Variants in STRN4 observed in about 807,000 individuals in gnomAD.
STRN4 encodes the protein striatin 4, also known as striatin-4.
In STRN4, 27 loss-of-function variants were observed where a neutral mutation model predicts 77.9. That is an observed-to-expected ratio of 0.35 (90% CI 0.26 to 0.48). The LOEUF is 0.48. STRN4 is among the 20% of genes least tolerant of loss of function. STRN4 has a pLI of 0.99. For missense variants in STRN4, 798 were observed against 1,049.7 expected, an observed-to-expected ratio of 0.76 and a Z score of 3.31; for synonymous variants, 466 against 443.1, an observed-to-expected ratio of 1.05 and a Z score of -0.65.
At chr19:46,737,572 C>T (rs112430263) in intron 3 of STRN4, among the ~76,000 whole-genome samples, 4,583 of 140,010 alleles carry the variant, frequency 0.033, 209 homozygotes, top group African/African-American at 0.095. Context: ...ACACTGTTTG[C>T]CCAGGCACAC....
chr19:46,723,194 C>G lies in STRN4; in HGVS notation c.1685G>C (p.Cys562Ser). The change falls in exon 13 of 18, where the codon TGT becomes TCT. Residue 562 changes from cysteine to serine, a missense_variant. Physicochemically the swap from Cys to Ser is moderately radical, Grantham distance 112. Coordinates refer to ENST00000263280, the MANE Select transcript of STRN4 (RefSeq NM_013403.3). The surrounding 1 kb of genome is among the most constrained non-coding windows in gnomAD (Gnocchi z 5.5). ...FSPTSQRLAS[C>S]SADGTVRIWD... ...GATGCGGACGGTGCCATCAGCAGAA[C>G]AGGAGGCCAGGCGCTGGGAGGTGGG... 1 of 1,557,438 alleles carries G rather than the reference C, an allele frequency of 6.4e-7. No homozygotes were observed.
intron 12 of STRN4, 119 bp downstream of exon 12, chr19:46,724,688 G>A (rs567580964): frequency 3.1e-5 from 46 of 1,461,898 alleles, no homozygotes; most frequent in Middle Eastern, 1.9e-4. Context: ...CAGGGGAGCC[G>A]TCACACGCAC....
At chr19:46,722,729 AG>A in intron 14 of STRN4, 80 bp downstream of exon 14, 1 of 1,577,274 alleles carries the variant, frequency 6.3e-7, no homozygotes. Context: ...CTGACTGACA[AG>A]GGGTCGCCAA....
At chr19:46,727,232 A>G (rs866670201) in intron 9 of STRN4, among the ~76,000 whole-genome samples, 1 of 152,252 alleles carries the variant, frequency 6.6e-6, no homozygotes, top group Non-Finnish European at 1.5e-5. Flanking sequence ...TGGGAGGGGC[A>G]GAGTGGAGGA....
chr19:46,724,971 A>G, intron 11 of STRN4, 43 bp from the exon 12 acceptor site: 4 of 1,612,702 alleles, frequency 2.5e-6, no homozygotes, highest in Non-Finnish European at 3.4e-6. Flanking sequence ...AGACAAGCTC[A>G]GGGCCTCCCC....
intron 1 of STRN4, among the ~76,000 whole-genome samples, chr19:46,739,677 C>G (rs774171289): frequency 3.3e-5 from 5 of 152,228 alleles, no homozygotes; most frequent in Non-Finnish European, 7.3e-5. Context: ...TCTCCCCAAG[C>G]ACCCCACCGT....
intron 12 of STRN4, among the ~76,000 whole-genome samples, chr19:46,724,570 C>G (rs1245933730): frequency 6.6e-6 from 1 of 152,376 alleles, no homozygotes; most frequent in East Asian, 1.9e-4. Context: ...CGCCGGCTCA[C>G]AGAGATTCTC....
chr19:46,731,194 A>G (rs913137506), intron 5 of STRN4, among the ~76,000 whole-genome samples: 7 of 152,252 alleles, frequency 4.6e-5, no homozygotes, highest in African/African-American at 1.7e-4. Flanking sequence ...GCTGGATGAG[A>G]AAGTGCCACT....
At chr19:46,722,377 C>A in intron 14 of STRN4, 37 bp from the exon 15 acceptor site, 2 of 1,595,678 alleles carry the variant, frequency 1.3e-6, no homozygotes, top group Non-Finnish European at 1.7e-6. Context: ...GGATGTCAAG[C>A]AGAAAATCAG....
intron 1 of STRN4, chr19:46,740,267 C>A (rs144023544): frequency 2.6e-5 from 4 of 151,844 alleles, no homozygotes; most frequent in African/African-American, 9.7e-5. Flanking sequence ...CCAGCCTGGG[C>A]GACAGAGCCA....
In STRN4 at chr19:46,720,651, G is replaced by C; in HGVS notation, c.2213C>G (p.Ala738Gly). 6.2e-7 allele frequency: 1 copy of C among 1,608,988 alleles called. No individual in the cohort carries two copies. Among genetic ancestry groups the C allele is most frequent in the Non-Finnish European group, 8.5e-7 (1 of 1,177,176 alleles). Residue 738 changes from alanine to glycine, a missense_variant, in exon 17 of 18, where the codon GCC becomes GGC. Coordinates refer to ENST00000263280, the MANE Select transcript of STRN4 (RefSeq NM_013403.3). ...ATCAGCGCCAGCACTGGCAATGAGG[G>C]CCTTGCTGGGGTGGCAGGCAACAGC... ...IHAVACHPSK[A>G]LIASAGADAL...
intron 12 of STRN4, among the ~76,000 whole-genome samples, chr19:46,724,112 G>A (rs181496607): frequency 1.3e-5 from 2 of 152,212 alleles, no homozygotes; most frequent in South Asian, 2.1e-4. Flanking sequence ...GCTGGATATG[G>A]TGGTGCGTGC....
intron 8 of STRN4, 157 bp from the exon 9 acceptor site, chr19:46,727,703 CAGAG>C (rs747556892): frequency 6.8e-4 from 519 of 759,068 alleles, no homozygotes; most frequent in Non-Finnish European, 5.7e-4. Context: ...TGGAAAGAGA[CAGAG>C]AGACAGACAG....
At chr19:46,744,308 C>T (rs1027198592) in intron 1 of STRN4, among the ~76,000 whole-genome samples, 3 of 152,192 alleles carry the variant, frequency 2.0e-5, no homozygotes. Flanking sequence ...ATTCTGCTCC[C>T]ATCCCAGCCC....
chr19:46,729,984 G>A (rs1163499411), intron 6 of STRN4, among the ~76,000 whole-genome samples: 5 of 152,246 alleles, frequency 3.3e-5, no homozygotes, highest in South Asian at 2.1e-4. Flanking sequence ...TAGAGACAGA[G>A]AGCCCTACCC....
At chr19:46,728,264 A>G in intron 7 of STRN4, 1 of 615,738 alleles carries the variant, frequency 1.6e-6, no homozygotes, top group Non-Finnish European at 2.9e-6. Context: ...CCTAGCTAGG[A>G]GTCACAGGAC....
At chr19:46,725,053 T>C (rs1351895271) in intron 11 of STRN4, 125 bp from the exon 12 acceptor site, 1 of 1,431,078 alleles carries the variant, frequency 7.0e-7, no homozygotes, top group Non-Finnish European at 9.5e-7. Context: ...ACTGGGGCTC[T>C]GGCCATGCTA....
chr19:46,724,249 CAAAAAAAAAAAAA>C (rs71970589), intron 12 of STRN4, among the ~76,000 whole-genome samples: 9 of 87,206 alleles, frequency 1.0e-4, no homozygotes, highest in Non-Finnish European at 1.7e-4. Flanking sequence ...CTCTTTGTCT[CAAAAAAAAAAAAA>C]AAAAAAAAAA....
chr19:46,726,040 C>A lies in STRN4; in HGVS notation c.1249-392G>T, dbSNP rs141019563. Reference sequence around the variant, plus strand: ...CCCTCCTCCCTGGGGGCCACTGAGGCTTTCCTGAGGAAGCACGAGCCAGCA... The same window carrying A: ...CCCTCCTCCCTGGGGGCCACTGAGGATTTCCTGAGGAAGCACGAGCCAGCA... On this transcript the variant is annotated intron_variant, in intron 9 of 17. Coordinates refer to ENST00000263280, the MANE Select transcript of STRN4 (RefSeq NM_013403.3). 453 of 189,158 alleles carry A rather than the reference C, an allele frequency of 2.4e-3. 5 individuals carry two copies. Among genetic ancestry groups the A allele is most frequent in the African/African-American group, 9.9e-3 (425 of 42,730 alleles). The allele number at this position is 189,158 out of a possible 1,614,324, so 11.7% of individuals were successfully genotyped here. A position where few individuals can be genotyped will look rare whatever the true frequency, so the allele number is the denominator to read the frequency against.
Sources: gnomAD v4.1 joint callset for allele counts (sites outside exome capture counted in the v4.1 genomes callset) on GRCh38, gnomAD v4.1.1 for gene constraint, Gnocchi (gnomAD v3.1) non-coding constraint, MANE v1.5 for transcripts, NCBI Gene and HGNC (gene_info 2026-07-23, HGNC 2026-07-21) for gene names.